Variants in XRN2 observed in about 807,000 individuals in gnomAD.
XRN2 encodes DHM1-like protein.
Under a neutral mutation model 138.5 loss-of-function variants are expected in XRN2, and 44 were observed. That is an observed-to-expected ratio of 0.32 (90% CI 0.25 to 0.41). The LOEUF (loss-of-function observed/expected upper bound fraction) is 0.41. XRN2 is among the 10% of genes least tolerant of loss of function. The probability of loss-of-function intolerance (pLI) is 1.00; values close to 1 mark genes in which losing one functional copy is unlikely to be tolerated. For missense variants in XRN2, 937 were observed against 1,169.3 expected (o/e 0.80, Z 2.90); for synonymous variants, 354 against 369.4 (o/e 0.96, Z 0.48).
In XRN2 at chr20:21,368,423, A is replaced by G. The variant is rs528271563; in HGVS notation, c.2457-40A>G. The G allele has an allele frequency of 1.2e-5, 19 of 1,611,378 alleles. No individual in the cohort carries two copies. In the Admixed American group the frequency reaches 3.2e-4, roughly 27 times the overall value. On this transcript the variant is annotated intron_variant, in intron 26 of 29. Transcript: ENST00000377191. Reference sequence around the variant, plus strand: ...TCAGCTGTGTTATGATGGGTATATCACTATACAATTTTTTTTTCTTGTGTT... The same window carrying G: ...TCAGCTGTGTTATGATGGGTATATCGCTATACAATTTTTTTTTCTTGTGTT...
chr20:21,327,291 T>C (rs2038141877), intron 3 of XRN2, among the ~76,000 whole-genome samples: 1 of 152,214 alleles, frequency 6.6e-6, no homozygotes, highest in Admixed American at 6.5e-5. Context: ...ATGATAATAA[T>C]ACCAAGTAGC....
chr20:21,328,490 T>A (rs2038159141), intron 3 of XRN2, 69 bp from the exon 4 acceptor site: 2 of 1,442,334 alleles, frequency 1.4e-6, no homozygotes, highest in Non-Finnish European at 1.9e-6. Flanking sequence ...AACAACTGAT[T>A]CAAAATAAGG....
chr20:21,304,979 G>A (rs2037795537), intron 1 of XRN2, among the ~76,000 whole-genome samples: 1 of 150,284 alleles, frequency 6.7e-6, no homozygotes, highest in African/African-American at 2.5e-5. Context: ...TATGTACTGT[G>A]ATTTTGTTTT....
At chr20:21,353,757 T>C (rs1169249701) in intron 20 of XRN2, among the ~76,000 whole-genome samples, 2 of 147,560 alleles carry the variant, frequency 1.4e-5, no homozygotes, top group Non-Finnish European at 3.0e-5. Flanking sequence ...ATCGTGCCAC[T>C]GCACTCCAGC....
chr20:21,365,542 A>G (rs776325103), intron 25 of XRN2, 31 bp from the exon 26 acceptor site: 20 of 1,613,104 alleles, frequency 1.2e-5, no homozygotes, highest in South Asian at 3.3e-5. Context: ...TTTCATCCCT[A>G]TTACTAAGTG....
chr20:21,324,589 A>G (rs1473825833), intron 1 of XRN2, among the ~76,000 whole-genome samples: 2 of 149,510 alleles, frequency 1.3e-5, no homozygotes, highest in Non-Finnish European at 3.0e-5. Flanking sequence ...ATGTTATATG[A>G]GCTTATTCTT....
rs565211202 is a variant in XRN2, at chr20:21,361,794, G to T, written c.2256-3627G>T. ...AGTCTGTGTGTTTGACTTTTAGGAA[G>T]TTTGTTTGAATCTGAGTTATGGCTG... On this transcript the variant is annotated intron_variant, in intron 24 of 29. Transcript: ENST00000377191. Among the ~76,000 whole-genome samples the T allele has an allele frequency of 1.1e-4, 17 of 152,320 alleles. 1 individual carries two copies. The highest frequency in any genetic ancestry group is 3.8e-4 in the African/African-American group (16 of 41,574).
chr20:21,335,666 C>T (rs1285046309), intron 13 of XRN2, among the ~76,000 whole-genome samples: 3 of 152,164 alleles, frequency 2.0e-5, no homozygotes, highest in South Asian at 4.1e-4. Context: ...ACTACTTTTT[C>T]AACAATTATG....
intron 6 of XRN2, among the ~76,000 whole-genome samples, chr20:21,331,099 T>C (rs917044450): frequency 3.9e-5 from 6 of 152,296 alleles, no homozygotes; most frequent in Admixed American, 3.9e-4. Context: ...AATGAACTTG[T>C]TTGTAATTTT....
chr20:21,352,426 C>T (rs1473161573), intron 20 of XRN2, among the ~76,000 whole-genome samples: 1 of 151,956 alleles, frequency 6.6e-6, no homozygotes, highest in Non-Finnish European at 1.5e-5. Flanking sequence ...CTCACAGGTC[C>T]AAGCAATTTC....
At chr20:21,373,001 GTTTTCT>G (rs969068606) in intron 27 of XRN2, among the ~76,000 whole-genome samples, 33 of 110,206 alleles carry the variant, frequency 3.0e-4, no homozygotes, top group African/African-American at 9.2e-4. Context: ...TAGTTCATCC[GTTTTCT>G]TTTTCTTTTT....
chr20:21,358,962 A>G (rs1489525991), intron 24 of XRN2, among the ~76,000 whole-genome samples: 3 of 152,216 alleles, frequency 2.0e-5, no homozygotes, highest in East Asian at 1.9e-4. Context: ...CTTCAGGCCA[A>G]TTAATTCCAC....
In XRN2 at chr20:21,365,901, TATATAATATATATA is replaced by T. The variant is rs1425434029; in HGVS notation, c.2456+212_2456+225del. On this transcript the variant is annotated intron_variant, in intron 26 of 29. Coordinates refer to ENST00000377191, the MANE Select transcript of XRN2 (RefSeq NM_012255.5). The stretch of plus-strand genomic sequence containing the variant: ...TAATATTATATAATATATAATTATA[TATATAATATATATA>T]ATATAATATATATATAAAATTATAA... Among the ~76,000 whole-genome samples, 435 of 122,686 alleles carry T rather than the reference TATATAATATATATA, an allele frequency of 3.5e-3. 3 individuals are homozygous for T. Among genetic ancestry groups the T allele is most frequent in the African/African-American group, 0.012 (405 of 32,818 alleles). The allele number at this position is 122,686 out of a possible 152,430, so 80.5% of individuals were successfully genotyped here. A position where few individuals can be genotyped will look rare whatever the true frequency, so the allele number is the denominator to read the frequency against.
At chr20:21,303,724 C>T (rs921577286) in intron 1 of XRN2, 3 of 1,239,156 alleles carry the variant, frequency 2.4e-6, no homozygotes, top group Non-Finnish European at 3.0e-6. Context: ...AGGAGGGTCG[C>T]TCCTCCCCTA....
intron 20 of XRN2, among the ~76,000 whole-genome samples, 199 bp from the exon 21 acceptor site, chr20:21,354,590 C>T (rs756515052): frequency 6.6e-5 from 10 of 152,042 alleles, no homozygotes; most frequent in Non-Finnish European, 1.0e-4. Flanking sequence ...ATGGAAAATA[C>T]GTAGAATTTT....
chr20:21,348,902 C>T (rs1186302771), intron 19 of XRN2, among the ~76,000 whole-genome samples: 1 of 152,126 alleles, frequency 6.6e-6, no homozygotes, highest in East Asian at 1.9e-4. Context: ...CTCGGCCTCC[C>T]AAAGTGCTGG....
At chr20:21,377,134 T>C (rs966927879) in intron 27 of XRN2, among the ~76,000 whole-genome samples, 1 of 152,118 alleles carries the variant, frequency 6.6e-6, no homozygotes, top group Admixed American at 6.5e-5. Context: ...GGATAAATAA[T>C]TAGCTTCATC....
At chr20:21,381,713 TACACACAC>T (rs10523116) in intron 27 of XRN2, among the ~76,000 whole-genome samples, 6,931 of 149,464 alleles carry the variant, frequency 0.046, 462 homozygotes, top group African/African-American at 0.15. Flanking sequence ...TACACACACA[TACACACAC>T]ACACACACAC....
At chr20:21,380,459 A>G (rs377253872) in intron 27 of XRN2, among the ~76,000 whole-genome samples, 1 of 152,184 alleles carries the variant, frequency 6.6e-6, no homozygotes, top group Non-Finnish European at 1.5e-5. Context: ...AGAACTTCTT[A>G]CTTTTATCTC....
Sources: gnomAD v4.1 joint callset for allele counts (sites outside exome capture counted in the v4.1 genomes callset) on GRCh38, gnomAD v4.1.1 for gene constraint, MANE v1.5 for transcripts, NCBI Gene and HGNC (gene_info 2026-07-23, HGNC 2026-07-21) for gene names.